The following DCAF13 variants were observed in gnomAD, a reference collection of about 807,000 sequenced individuals.
DCAF13 encodes the protein DDB1 and CUL4 associated factor 13, also known as DDB1- and CUL4-associated factor 13.
In DCAF13, 38 loss-of-function variants were observed where a neutral mutation model predicts 59.0. The observed-to-expected ratio is 0.64, with a 90% CI of 0.50 to 0.84. DCAF13 has a LOEUF of 0.84. Among genes scored for constraint, DCAF13 ranks in the 40% least tolerant of loss-of-function variants. The pLI is 0.00. For missense variants in DCAF13, 469 were observed against 558.4 expected (o/e 0.84, Z 1.61); for synonymous variants, 173 against 175.0 (o/e 0.99, Z 0.09).
chr8:103,417,641 CAAAA>C (rs34702662), intron 1 of DCAF13, among the ~76,000 whole-genome samples: 4 of 75,944 alleles, frequency 5.3e-5, no homozygotes, highest in Admixed American at 1.4e-4. Flanking sequence ...GACTCCGTCT[CAAAA>C]AAAAAAAAAA....
intron 3 of DCAF13, among the ~76,000 whole-genome samples, chr8:103,422,935 A>AT (rs1483360302): frequency 3.3e-5 from 5 of 152,164 alleles, no homozygotes; most frequent in African/African-American, 1.2e-4. Context: ...AAATAGACTA[A>AT]TTTGTTGCTC....
rs187662062 is a variant in DCAF13 at position 103,421,445 on chromosome 8, G to A, written c.378+363G>A. 1.4e-3 allele frequency among the ~76,000 whole-genome samples: 211 copies of A among 152,220 alleles called. 1 individual carries two copies. The highest frequency in any genetic ancestry group is 4.5e-3 in the African/African-American group (186 of 41,520). ...TGTGCCTGTGTGTGGCAAGATATCC[G>A]GAACGTAAAATTTACTCTCTGTTTT... On this transcript the variant is annotated intron_variant, in intron 3 of 10. Transcript: ENST00000612750.
Position 103,421,015 on chromosome 8 carries a change from C to T in DCAF13, c.311C>T (p.Thr104Ile), listed in dbSNP as rs771058066. 6.2e-7 allele frequency: 1 copy of T among 1,613,380 alleles called. No homozygotes were observed. Among genetic ancestry groups the T allele is most frequent in the Non-Finnish European group, 8.5e-7 (1 of 1,179,618 alleles). ...CTAACTCAGCGGAATTGTATCCGTACAATACAAGCACATGAAGGCTTTGTA... is the reference window on the plus strand; with the variant it reads ...CTAACTCAGCGGAATTGTATCCGTATAATACAAGCACATGAAGGCTTTGTA... ...WNLTQRNCIR[T>I]IQAHEGFVRG... The change falls in exon 3 of 11, where the codon ACA (threonine) becomes ATA (isoleucine). Residue 104 changes from threonine to isoleucine, a missense_variant. By Grantham distance (89) the Thr-to-Ile change is moderately conservative (BLOSUM62 -1). This residue lies in a region of DCAF13 where 355 missense variants were observed against 399.1 expected (regional missense o/e 0.89). Coordinates refer to ENST00000612750, the MANE Select transcript of DCAF13 (RefSeq NM_015420.7).
chr8:103,425,239 A>G (rs1405866128), intron 3 of DCAF13, among the ~76,000 whole-genome samples: 2 of 152,240 alleles, frequency 1.3e-5, no homozygotes, highest in Non-Finnish European at 2.9e-5. Flanking sequence ...GCAGTTATAC[A>G]GTACCACATT....
In DCAF13 at chr8:103,432,876, A is replaced by C. The variant is rs1186793082; in HGVS notation, c.785+135A>C. The C allele has an allele frequency of 7.8e-5, 40 of 514,768 alleles. 1 individual carries two copies. The Admixed American group carries it at 1.3e-3, about 16-fold the overall frequency. 31.9% of individuals were successfully genotyped at this position (514,768 alleles called of 1,614,324 possible). On this transcript the variant is annotated intron_variant, in intron 7 of 10. Transcript: ENST00000612750. ...AAAACTGTCATCTGTTTAGCTTTAAAAAGTTTTCCAAATTGGAGAAGAACT... is the reference window on the plus strand; with the variant it reads ...AAAACTGTCATCTGTTTAGCTTTAACAAGTTTTCCAAATTGGAGAAGAACT...
At position 103,432,742 on chromosome 8, in the gene DCAF13, G is replaced by C; in HGVS notation, c.785+1G>C. On this transcript the variant is annotated splice_donor_variant, in intron 7 of 10. Transcript: ENST00000612750. LOFTEE classifies it high-confidence loss of function. ...TTACAGCAGCAAATGAAGATTATAA[G>C]TAAGTTTCCCTCTTTTAAAAACTTG... 6.3e-7 allele frequency: 1 copy of C among 1,578,786 alleles called. No homozygotes were observed. The highest frequency in any genetic ancestry group is 8.7e-7 in the Non-Finnish European group (1 of 1,150,458).
In DCAF13 at chr8:103,420,379, G is replaced by A; in HGVS notation, c.186G>A (p.Leu62=). ...TTGCAAAACCATTCCTTGCTTCGCT[G>A]GATGGTCACCGTGATGGAGTCAATT... ...RVFAKPFLAS[L]DGHRDGVNCL... The change falls in exon 2 of 11, where the codon CTG becomes CTA. Residue 62 remains leucine (L), a synonymous_variant. Coordinates refer to ENST00000612750, the MANE Select transcript of DCAF13 (RefSeq NM_015420.7). 1 of 1,614,140 alleles carries A rather than the reference G, an allele frequency of 6.2e-7. No homozygotes were observed. Among genetic ancestry groups the A allele is most frequent in the Non-Finnish European group, 8.5e-7 (1 of 1,180,010 alleles).
chr8:103,427,321 T>A (rs774567655), intron 5 of DCAF13, 69 bp downstream of exon 5: 2 of 1,383,244 alleles, frequency 1.4e-6, no homozygotes, highest in African/African-American at 2.9e-5. Context: ...TAGAAAACTT[T>A]TGAATGTATG....
intron 10 of DCAF13, chr8:103,441,934 T>C: frequency 4.4e-6 from 1 of 226,038 alleles, no homozygotes; most frequent in South Asian, 6.4e-5. Context: ...CGCGGCTAAT[T>C]TTTTGTATTT....
intron 5 of DCAF13, 170 bp downstream of exon 5, chr8:103,427,422 A>G (rs1275984689): frequency 2.4e-5 from 15 of 631,926 alleles, no homozygotes; most frequent in South Asian, 8.4e-5. Flanking sequence ...AAATCCCAAC[A>G]TGTTTCCCAG....
intron 3 of DCAF13, chr8:103,421,387 T>C (rs1006854465): frequency 2.3e-6 from 1 of 437,474 alleles, no homozygotes; most frequent in South Asian, 2.0e-5. Flanking sequence ...TTTGTACTTT[T>C]GTTAGTCAGA....
chr8:103,430,444 A>C (rs1458625284), intron 5 of DCAF13, 168 bp from the exon 6 acceptor site: 1 of 466,660 alleles, frequency 2.1e-6, no homozygotes, highest in Non-Finnish European at 3.9e-6. Flanking sequence ...TACAGTGAAA[A>C]TACTTGGTTT....
chr8:103,423,750 G>T (rs933727031), intron 3 of DCAF13, among the ~76,000 whole-genome samples: 3 of 152,100 alleles, frequency 2.0e-5, no homozygotes, highest in African/African-American at 7.2e-5. Context: ...GTGTCTACGT[G>T]TATCAAAACA....
At position 103,440,070 on chromosome 8, in the gene DCAF13, T is replaced by C. The variant is rs367759273; in HGVS notation, c.951-66T>C. 1,670 of 1,254,680 alleles carry C rather than the reference T, an allele frequency of 1.3e-3. 27 individuals carry two copies. The South Asian group carries it at 0.022, about 17-fold the overall frequency. The allele number at this position is 1,254,680 out of a possible 1,614,324, so 77.7% of individuals were successfully genotyped here. A position where few individuals can be genotyped will look rare whatever the true frequency, so the allele number is the denominator to read the frequency against. On this transcript the variant is annotated intron_variant, in intron 8 of 10. Transcript: ENST00000612750. ...TCAGAAATAGTATCCTGATACTTAA[T>C]AGGCAGTGGTTACTCAAAATCTGTA...
intron 4 of DCAF13, among the ~76,000 whole-genome samples, chr8:103,426,745 A>G (rs1816797018): frequency 6.6e-6 from 1 of 152,154 alleles, no homozygotes; most frequent in African/African-American, 2.4e-5. Flanking sequence ...CCTTTTAAAA[A>G]TCACTTTGTC....
At chr8:103,423,571 G>C (rs564593363) in intron 3 of DCAF13, among the ~76,000 whole-genome samples, 8 of 152,134 alleles carry the variant, frequency 5.3e-5, no homozygotes, top group East Asian at 1.9e-4. Flanking sequence ...GGTCAAAAGA[G>C]ACAAAATTTC....
intron 1 of DCAF13, among the ~76,000 whole-genome samples, chr8:103,418,862 A>ATT (rs1337057781): frequency 0.028 from 591 of 21,248 alleles, 16 homozygotes; most frequent in East Asian, 0.12. Context: ...ATATATATAT[A>ATT]TATATTTTTT....
At chr8:103,440,478 T>C in intron 9 of DCAF13, 1 of 371,196 alleles carries the variant, frequency 2.7e-6, no homozygotes. Context: ...ACATTCAAAT[T>C]GACATTTAAG....
chr8:103,443,055 G>T lies in DCAF13; in HGVS notation c.*173G>T. ...AATGATCCTTAAAGGTGGCCTAGTT[G>T]GTAAGACTGTTTTATCCTTAATCTG... On this transcript the variant is annotated 3_prime_UTR_variant, in exon 11 of 11. Coordinates refer to ENST00000612750, the MANE Select transcript of DCAF13 (RefSeq NM_015420.7). The T allele has an allele frequency of 2.1e-6, 1 of 474,794 alleles. No homozygotes were observed. Among genetic ancestry groups the T allele is most frequent in the Non-Finnish European group, 3.8e-6 (1 of 265,756 alleles). 29.4% of individuals were successfully genotyped at this position (474,794 alleles called of 1,614,324 possible).
Sources: allele counts gnomAD v4.1 joint callset (sites outside exome capture counted in the v4.1 genomes callset), GRCh38; gene constraint gnomAD v4.1.1; regional missense constraint gnomAD v4.1.1; transcripts MANE v1.5; gene names NCBI Gene and HGNC (gene_info 2026-07-23, HGNC 2026-07-21).